Variants in MACROD2 observed in about 807,000 individuals in gnomAD.
The protein encoded by MACROD2 is mono-ADP ribosylhydrolase 2, also known as ADP-ribose glycohydrolase MACROD2.
MACROD2 carries 36 observed loss-of-function variants against 70.4 expected under a neutral mutation model. That is an observed-to-expected ratio of 0.51 (90% CI 0.39 to 0.68). The LOEUF (loss-of-function observed/expected upper bound fraction) is 0.68. MACROD2 is among the 30% of genes least tolerant of loss of function. The pLI is 0.00. For missense variants in MACROD2, 496 were observed against 538.4 expected (o/e 0.92, Z 0.78); for synonymous variants, 172 against 178.8 (o/e 0.96, Z 0.30).
chr20:15,696,207 G>T (rs2050368106), intron 8 of MACROD2, among the ~76,000 whole-genome samples: 1 of 152,100 alleles, frequency 6.6e-6, no homozygotes, highest in Non-Finnish European at 1.5e-5. Flanking sequence ...ATTACATGAA[G>T]GTATGTCCCT....
intron 7 of MACROD2, among the ~76,000 whole-genome samples, chr20:15,454,811 GTGGGCTTTTAACC>G (rs2046698996): frequency 6.6e-6 from 1 of 151,170 alleles, no homozygotes; most frequent in South Asian, 2.1e-4. Context: ...CTCTGCGAAA[GTGGGCTTTTAACC>G]ATTTCGCATA....
chr20:15,773,485 C>T (rs2147023344), intron 8 of MACROD2, among the ~76,000 whole-genome samples: 1 of 152,198 alleles, frequency 6.6e-6, no homozygotes, highest in East Asian at 1.9e-4. Context: ...ACTGGGAGCT[C>T]TTTCAAAAGG....
At chr20:14,873,051 G>A (rs2073507554) in intron 5 of MACROD2, among the ~76,000 whole-genome samples, 1 of 86,918 alleles carries the variant, frequency 1.2e-5, no homozygotes, top group South Asian at 3.7e-4. Flanking sequence ...CTTGACACAT[G>A]AAGAATATGG....
chr20:15,695,100 A>G (rs2050348573), intron 8 of MACROD2, among the ~76,000 whole-genome samples: 1 of 152,108 alleles, frequency 6.6e-6, no homozygotes, highest in African/African-American at 2.4e-5. Flanking sequence ...TACCAATACC[A>G]TGCTGTTTTG....
Position 15,559,100 on chromosome 20 carries a change from G to A in MACROD2, c.645+59253G>A, listed in dbSNP as rs551866585. ...AAATTAGCTGGGCATGGTGGCGCAC[G>A]CCTGTAGTCCCAGCTACACGGGAGG... On this transcript the variant is annotated intron_variant, in intron 8 of 17. Coordinates refer to ENST00000684519, the MANE Select transcript of MACROD2 (RefSeq NM_001351661.2). 8.6e-5 allele frequency among the ~76,000 whole-genome samples: 13 copies of A among 151,972 alleles called. No individual in the cohort carries two copies. The East Asian group carries it at 2.1e-3, about 25-fold the overall frequency.
intron 5 of MACROD2, among the ~76,000 whole-genome samples, chr20:14,724,694 A>G (rs1413216594): frequency 6.6e-6 from 1 of 152,184 alleles, no homozygotes; most frequent in East Asian, 1.9e-4. Flanking sequence ...ATATTCGAGT[A>G]AAAGGCAAAA....
chr20:15,657,608 G>A (rs1263982372), intron 8 of MACROD2, among the ~76,000 whole-genome samples: 1 of 152,106 alleles, frequency 6.6e-6, no homozygotes, highest in African/African-American at 2.4e-5. Flanking sequence ...AATTTATATT[G>A]TGCTTAATGA....
chr20:14,684,727 ACGGG>A, intron 4 of MACROD2, 112 bp from the exon 5 acceptor site: 1 of 755,812 alleles, frequency 1.3e-6, no homozygotes, highest in Non-Finnish European at 2.1e-6. Context: ...GTTTTCTTCC[ACGGG>A]CTATGGTTAT....
chr20:15,000,152 A>G (rs1853734027), intron 5 of MACROD2, among the ~76,000 whole-genome samples: 1 of 152,230 alleles, frequency 6.6e-6, no homozygotes, highest in Non-Finnish European at 1.5e-5. Flanking sequence ...AAGGGCAAAT[A>G]TCAACTGAAT....
intron 6 of MACROD2, among the ~76,000 whole-genome samples, chr20:15,296,220 A>G (rs1383586306): frequency 6.6e-6 from 1 of 152,196 alleles, no homozygotes; most frequent in Non-Finnish European, 1.5e-5. Context: ...AAATTATACC[A>G]TAGAGCCAGC....
intron 3 of MACROD2, among the ~76,000 whole-genome samples, chr20:14,150,074 C>T (rs1185758262): frequency 6.6e-6 from 1 of 152,074 alleles, no homozygotes; most frequent in Non-Finnish European, 1.5e-5. Flanking sequence ...CACCTTTCCC[C>T]CATCATCCCT....
intron 3 of MACROD2, among the ~76,000 whole-genome samples, chr20:14,350,315 G>C (rs530910676): frequency 2.6e-5 from 4 of 151,986 alleles, no homozygotes; most frequent in African/African-American, 9.7e-5. Context: ...ACTGTTCTCC[G>C]TAGTGGTTGT....
intron 6 of MACROD2, among the ~76,000 whole-genome samples, chr20:15,343,320 A>G (rs772184924): frequency 6.6e-6 from 1 of 152,202 alleles, no homozygotes; most frequent in Non-Finnish European, 1.5e-5. Context: ...TACTGCAAGC[A>G]TTTTTCAAAG....
intron 6 of MACROD2, among the ~76,000 whole-genome samples, chr20:15,406,433 T>A (rs913877547): frequency 7.2e-5 from 11 of 152,218 alleles, no homozygotes; most frequent in African/African-American, 2.7e-4. Flanking sequence ...AATATGAGAA[T>A]CTTTAATATG....
intron 5 of MACROD2, among the ~76,000 whole-genome samples, chr20:14,735,282 C>G (rs2071649931): frequency 6.6e-6 from 1 of 151,996 alleles, no homozygotes; most frequent in Non-Finnish European, 1.5e-5. Flanking sequence ...TACAACTAAA[C>G]AACTGAAAGA....
Position 15,306,914 on chromosome 20 carries a change from G to A in MACROD2, c.540+76853G>A, listed in dbSNP as rs1434454497. Among the ~76,000 whole-genome samples the A allele has an allele frequency of 3.3e-5, 5 of 152,152 alleles. No homozygotes were observed. The East Asian group carries it at 7.7e-4, about 23-fold the overall frequency. On this transcript the variant is annotated intron_variant, in intron 6 of 17. Coordinates refer to ENST00000684519, the MANE Select transcript of MACROD2 (RefSeq NM_001351661.2). Reference sequence around the variant, plus strand: ...TGCAGAATGTCCAAGCATGGCAACAGCATCTGCTCAGCTTCTGGAGAGGCC... The same window carrying A: ...TGCAGAATGTCCAAGCATGGCAACAACATCTGCTCAGCTTCTGGAGAGGCC...
intron 3 of MACROD2, among the ~76,000 whole-genome samples, chr20:14,279,779 T>C (rs2082291125): frequency 6.6e-6 from 1 of 152,182 alleles, no homozygotes; most frequent in African/African-American, 2.4e-5. Flanking sequence ...AGCATAGATT[T>C]TTTTCTTTCT....
chr20:15,092,001 A>T (rs1413595530), intron 5 of MACROD2, among the ~76,000 whole-genome samples: 1 of 149,126 alleles, frequency 6.7e-6, no homozygotes, highest in Non-Finnish European at 1.5e-5. Flanking sequence ...GGAAAATAAG[A>T]TTGTATTTCT....
At chr20:15,720,647 C>G (rs12624398) in intron 8 of MACROD2, among the ~76,000 whole-genome samples, 16,229 of 152,108 alleles carry the variant, frequency 0.11, 927 homozygotes, top group East Asian at 0.19. Flanking sequence ...ACTATTTTTG[C>G]TTTGAATCAC....
Sources: gnomAD v4.1 joint callset for allele counts (sites outside exome capture counted in the v4.1 genomes callset) on GRCh38, gnomAD v4.1.1 for gene constraint, MANE v1.5 for transcripts, NCBI Gene and HGNC (gene_info 2026-07-23, HGNC 2026-07-21) for gene names.